Variants in ZFAND3 observed in about 807,000 individuals in gnomAD.
ZFAND3 encodes zinc finger AN1-type containing 3.
In ZFAND3, 10 loss-of-function variants were observed where a neutral mutation model predicts 29.6. That is an observed-to-expected ratio of 0.34 (90% confidence interval 0.21 to 0.57). ZFAND3 has a LOEUF of 0.57. Ranked by LOEUF, ZFAND3 falls within the 20% of genes least tolerant of loss-of-function variation. The pLI, the probability that ZFAND3 is intolerant of heterozygous loss-of-function variation, is 0.86. For missense variants in ZFAND3, 230 were observed against 304.5 expected (o/e 0.76, Z 1.82); for synonymous variants, 128 against 112.6 (o/e 1.14, Z -0.87).
chr6:37,905,721 G>A (rs1765395194), intron 1 of ZFAND3, among the ~76,000 whole-genome samples: 2 of 152,040 alleles, frequency 1.3e-5, no homozygotes, highest in South Asian at 2.1e-4. Flanking sequence ...AAATGTTAGG[G>A]TTAGGGTGTA....
intron 5 of ZFAND3, among the ~76,000 whole-genome samples, chr6:38,146,377 A>G (rs937483258): frequency 9.2e-5 from 14 of 152,232 alleles, no homozygotes; most frequent in Admixed American, 3.9e-4. Flanking sequence ...GAGAGGCCTC[A>G]GTCCAGAGGG....
At chr6:37,933,981 G>A (rs146164434) in intron 2 of ZFAND3, among the ~76,000 whole-genome samples, 8 of 146,904 alleles carry the variant, frequency 5.4e-5, no homozygotes, top group African/African-American at 2.0e-4. Context: ...TCCGCCTCCC[G>A]GGTTCAAGTG....
chr6:37,896,554 C>CTTTCTTTCTTTCTTTCGTTCT (rs1765214670), intron 1 of ZFAND3, among the ~76,000 whole-genome samples: 1 of 137,698 alleles, frequency 7.3e-6, no homozygotes, highest in African/African-American at 2.8e-5. Context: ...TTCTTTCTTT[C>CTTTCTTTCTTTCTTTCGTTCT]TTTCTTTCTT....
intron 3 of ZFAND3, among the ~76,000 whole-genome samples, chr6:38,079,631 T>C (rs1452825619): frequency 2.0e-5 from 3 of 152,232 alleles, no homozygotes; most frequent in Non-Finnish European, 4.4e-5. Flanking sequence ...TGAATTATTT[T>C]ATGTGCTTTA....
chr6:38,144,196 TATATATATATATATAATATATAATATA>T (rs1766034302), intron 5 of ZFAND3, among the ~76,000 whole-genome samples: 4 of 41,090 alleles, frequency 9.7e-5, no homozygotes, highest in South Asian at 1.1e-3. Flanking sequence ...TATATATATA[TATATATATATATATAATATATAATATA>T]TATATATATT....
intron 1 of ZFAND3, among the ~76,000 whole-genome samples, chr6:37,889,207 G>GA (rs550513809): frequency 1.3e-5 from 2 of 151,790 alleles, no homozygotes; most frequent in Admixed American, 6.6e-5. Context: ...GAAGACGGAG[G>GA]AAAAAAAGGA....
chr6:38,070,548 A>G (rs1764432422), intron 3 of ZFAND3, among the ~76,000 whole-genome samples: 4 of 152,120 alleles, frequency 2.6e-5, no homozygotes, highest in African/African-American at 7.2e-5. Context: ...TTACTCCTGC[A>G]TAATATTCTA....
intron 5 of ZFAND3, among the ~76,000 whole-genome samples, chr6:38,148,220 C>T (rs1199755141): frequency 6.6e-6 from 1 of 152,204 alleles, no homozygotes; most frequent in African/African-American, 2.4e-5. Flanking sequence ...AGGATTTCCT[C>T]TTCCCAGTGT....
In ZFAND3 at chr6:37,951,292, A is replaced by G. The variant is rs146911809; in HGVS notation, c.112+21293A>G. Reference sequence around the variant, plus strand: ...CTTTTGGATAGAGATTGTATTTTCAAGGTATAAAATCATATCATGGCTGGG... The same window carrying G: ...CTTTTGGATAGAGATTGTATTTTCAGGGTATAAAATCATATCATGGCTGGG... On this transcript the variant is annotated intron_variant, in intron 2 of 5. Transcript: ENST00000287218. Among the ~76,000 whole-genome samples the G allele has an allele frequency of 1.5e-3, 231 of 152,234 alleles. 1 individual carries two copies. In the Middle Eastern group the frequency reaches 0.017, roughly 11 times the overall value.
At chr6:38,151,261 G>A (rs1284667227) in intron 5 of ZFAND3, among the ~76,000 whole-genome samples, 1 of 152,184 alleles carries the variant, frequency 6.6e-6, no homozygotes, top group Non-Finnish European at 1.5e-5. Flanking sequence ...TGCTCGATAG[G>A]CCTCTTGATC....
chr6:38,052,095 A>G (rs1049706686), intron 2 of ZFAND3, among the ~76,000 whole-genome samples: 27 of 152,238 alleles, frequency 1.8e-4, no homozygotes, highest in Admixed American at 1.8e-3. Context: ...TTAATTGCTG[A>G]AAAGAGTAAG....
At chr6:37,871,088 T>G (rs1292956367) in intron 1 of ZFAND3, among the ~76,000 whole-genome samples, 1 of 152,236 alleles carries the variant, frequency 6.6e-6, no homozygotes, top group East Asian at 1.9e-4. Context: ...TCTCTCTTAG[T>G]TCTGATTATA....
chr6:38,132,470 G>A (rs1765760586), intron 5 of ZFAND3, among the ~76,000 whole-genome samples: 1 of 152,202 alleles, frequency 6.6e-6, no homozygotes, highest in South Asian at 2.1e-4. Flanking sequence ...TCATGTCCCT[G>A]CACTCCAGCC....
chr6:38,057,234 G>T (rs929736059), intron 2 of ZFAND3, among the ~76,000 whole-genome samples: 1 of 152,116 alleles, frequency 6.6e-6, no homozygotes, highest in African/African-American at 2.4e-5. Flanking sequence ...ATGGGAGGCA[G>T]GCTCTGTGCC....
chr6:38,083,399 G>A (rs1395031112), intron 4 of ZFAND3, among the ~76,000 whole-genome samples: 2 of 152,106 alleles, frequency 1.3e-5, no homozygotes, highest in African/African-American at 2.4e-5. Context: ...GTGTGAGATA[G>A]TCTTGGCATG....
intron 2 of ZFAND3, among the ~76,000 whole-genome samples, chr6:38,014,700 T>G (rs911299819): frequency 1.3e-5 from 2 of 152,200 alleles, no homozygotes; most frequent in African/African-American, 4.8e-5. Context: ...TCTCTTTTCA[T>G]TCATGTTGCT....
At chr6:38,015,938 G>A (rs1763245031) in intron 2 of ZFAND3, among the ~76,000 whole-genome samples, 1 of 152,156 alleles carries the variant, frequency 6.6e-6, no homozygotes, top group African/African-American at 2.4e-5. Flanking sequence ...GCTAGTGGGT[G>A]CAGTTGTTGT....
intron 5 of ZFAND3, among the ~76,000 whole-genome samples, chr6:38,131,069 G>A (rs1292576566): frequency 2.6e-5 from 4 of 151,926 alleles, no homozygotes; most frequent in South Asian, 2.1e-4. Context: ...TATCCATCTC[G>A]TCTAGGTTTT....
At chr6:37,936,571 T>C (rs1761702259) in intron 2 of ZFAND3, among the ~76,000 whole-genome samples, 1 of 152,106 alleles carries the variant, frequency 6.6e-6, no homozygotes, top group Admixed American at 6.5e-5. Flanking sequence ...CATTTAAGAC[T>C]AACTTTTAAG....
Sources: allele counts gnomAD v4.1 joint callset (sites outside exome capture counted in the v4.1 genomes callset), GRCh38; gene constraint gnomAD v4.1.1; transcripts MANE v1.5; gene names NCBI Gene and HGNC (gene_info 2026-07-23, HGNC 2026-07-21).